CCDC32: variants seen among roughly 807,000 people sequenced by gnomAD.
CCDC32 encodes coiled-coil domain-containing protein 32.
In CCDC32, 9 loss-of-function variants were observed where a neutral mutation model predicts 20.1. The observed-to-expected ratio is 0.45, with a 90% CI of 0.27 to 0.78. The LOEUF is 0.78. Ranked by LOEUF, CCDC32 falls within the 30% of genes least tolerant of loss-of-function variation. The pLI is 0.16. For missense variants in CCDC32, 204 were observed against 215.5 expected (o/e 0.95, Z 0.33); for synonymous variants, 63 against 79.0 (o/e 0.80, Z 1.07).
intron 2 of CCDC32, among the ~76,000 whole-genome samples, chr15:40,561,570 G>A (rs1890637048): frequency 6.6e-6 from 1 of 152,062 alleles, no homozygotes; most frequent in African/African-American, 2.4e-5. Context: ...GGAGAGGGGT[G>A]AGGGATAAAA....
chr15:40,557,091 C>G (rs1030872928), intron 3 of CCDC32, 125 bp downstream of exon 3: 20 of 1,068,202 alleles, frequency 1.9e-5, no homozygotes, highest in Admixed American at 5.9e-5. Flanking sequence ...GTGACCAACA[C>G]GTAGCTGCAG....
chr15:40,533,577 C>G (rs1210696683), downstream of CCDC32, among the ~76,000 whole-genome samples: 2 of 151,882 alleles, frequency 1.3e-5, no homozygotes, highest in African/African-American at 4.8e-5. Context: ...AACTGCTGAC[C>G]TTGTAATCCA....
chr15:40,553,903 G>GGTGTGT lies in CCDC32; in HGVS notation c.*67_*68insACACAC. 7.4e-7 allele frequency: 1 copy of GGTGTGT among 1,357,116 alleles called. No homozygotes were observed. The highest frequency in any genetic ancestry group is 2.3e-5 in the Admixed American group (1 of 43,336). The allele number at this position is 1,357,116 out of a possible 1,614,324, so 84.1% of individuals were successfully genotyped here. On this transcript the variant is annotated 3_prime_UTR_variant, in exon 4 of 4. Coordinates refer to ENST00000416810, the MANE Select transcript of CCDC32 (RefSeq NM_001080792.4). ...CGCTCTGGACCCGAGACAGCTGCTCGGCGTGTGTGTGTGTGTGTGTGTGTG... is the reference window on the plus strand; with the variant it reads ...CGCTCTGGACCCGAGACAGCTGCTCGGTGTGTGCGTGTGTGTGTGTGTGTGTGTGTG...
the CCDC32 span, among the ~76,000 whole-genome samples, chr15:40,521,634 T>A: frequency 6.4e-3 from 976 of 152,298 alleles, 11 homozygotes; most frequent in Non-Finnish European, 8.4e-3. Flanking sequence ...TTTCTCTACA[T>A]CCTCGCAGAC....
chr15:40,541,192 C>G (rs1049300396), intron 3 of CCDC32, among the ~76,000 whole-genome samples: 3 of 152,224 alleles, frequency 2.0e-5, no homozygotes, highest in Admixed American at 2.0e-4. Flanking sequence ...TGAGGCTTTT[C>G]TTAGCCCCTG....
downstream of CCDC32, among the ~76,000 whole-genome samples, chr15:40,530,982 T>A (rs1888857516): frequency 6.6e-6 from 1 of 151,726 alleles, no homozygotes; most frequent in South Asian, 2.1e-4. Flanking sequence ...AGTGCTGGGT[T>A]TACAGGCATG....
chr15:40,546,030 A>C (rs1889604045), intron 3 of CCDC32, among the ~76,000 whole-genome samples: 1 of 151,954 alleles, frequency 6.6e-6, no homozygotes, highest in Non-Finnish European at 1.5e-5. Context: ...CCCCCATCCC[A>C]GTTTCTCTTT....
At chr15:40,563,513 A>G (rs547361542) in intron 1 of CCDC32, among the ~76,000 whole-genome samples, 1 of 152,308 alleles carries the variant, frequency 6.6e-6, no homozygotes, top group South Asian at 2.1e-4. Context: ...GCTGGGAGGT[A>G]GAAAGAATGG....
chr15:40,551,975 C>T (rs551095512), downstream of CCDC32, among the ~76,000 whole-genome samples: 103 of 151,886 alleles, frequency 6.8e-4, no homozygotes, highest in Admixed American at 1.4e-3. Context: ...CAAAATAATG[C>T]GACCCTGTCT....
At chr15:40,549,864 T>G (rs1889770680), downstream of CCDC32, among the ~76,000 whole-genome samples, 1 of 152,180 alleles carries the variant, frequency 6.6e-6, no homozygotes. Flanking sequence ...GCTGGGGCTG[T>G]TCTCAGCCTT....
intron 3 of CCDC32, among the ~76,000 whole-genome samples, chr15:40,542,102 A>T (rs148218043): frequency 1.3e-5 from 2 of 152,336 alleles, no homozygotes; most frequent in African/African-American, 4.8e-5. Flanking sequence ...AACTTTCTAC[A>T]CAATGCAGGA....
chr15:40,522,828 C>CTTTTT, the CCDC32 span, among the ~76,000 whole-genome samples: 7 of 131,158 alleles, frequency 5.3e-5, 1 homozygote, highest in South Asian at 4.9e-4. Flanking sequence ...GTTTTCCTTT[C>CTTTTT]TTTTTTTTTT....
At chr15:40,521,744 A>G in the CCDC32 span, among the ~76,000 whole-genome samples, 1 of 152,088 alleles carries the variant, frequency 6.6e-6, no homozygotes, top group Non-Finnish European at 1.5e-5. Flanking sequence ...GCTAGTGGCC[A>G]TTTCTGTATC....
chr15:40,523,458 C>A, the CCDC32 span, among the ~76,000 whole-genome samples: 1 of 149,868 alleles, frequency 6.7e-6, no homozygotes, highest in East Asian at 1.9e-4. Flanking sequence ...GAGCCAAAAT[C>A]CCGCCATTGC....
chr15:40,539,722 TC>T (rs1889295189), intron 3 of CCDC32, among the ~76,000 whole-genome samples: 1 of 152,130 alleles, frequency 6.6e-6, no homozygotes, highest in Non-Finnish European at 1.5e-5. Context: ...CCTCCTGCTC[TC>T]TGAGATGTCA....
chr15:40,534,739 C>T, downstream of CCDC32: 1 of 614,800 alleles, frequency 1.6e-6, no homozygotes, highest in Non-Finnish European at 2.9e-6. Flanking sequence ...TTTGTAAGGG[C>T]ACTAATCCCA....
At chr15:40,532,453 A>T (rs1471917017), downstream of CCDC32, among the ~76,000 whole-genome samples, 1 of 152,190 alleles carries the variant, frequency 6.6e-6, no homozygotes, top group African/African-American at 2.4e-5. Flanking sequence ...ATGAAAAAAG[A>T]TGCTTCAAAG....
downstream of CCDC32, among the ~76,000 whole-genome samples, chr15:40,530,767 G>A (rs113185325): frequency 0.042 from 6,282 of 150,126 alleles, 448 homozygotes; most frequent in African/African-American, 0.15. Context: ...CACCCAGGCT[G>A]GAGTGCAGTG....
At chr15:40,528,926 G>A (rs921827568) in intron 3 of CCDC32, 8 of 607,180 alleles carry the variant, frequency 1.3e-5, no homozygotes, top group Non-Finnish European at 2.3e-5. Flanking sequence ...CACGTGCTGA[G>A]TGGTATTCAG....
Sources: allele counts gnomAD v4.1 joint callset (sites outside exome capture counted in the v4.1 genomes callset), GRCh38; gene constraint gnomAD v4.1.1; transcripts MANE v1.5; gene names NCBI Gene and HGNC (gene_info 2026-07-23, HGNC 2026-07-21).